The following HMGCS1 variants were observed in gnomAD, a reference collection of about 807,000 sequenced individuals.
The protein encoded by HMGCS1 is 3-hydroxy-3-methylglutaryl-CoA synthase 1.
A neutral mutation model predicts 52.3 loss-of-function variants in HMGCS1; 9 were observed. That is an observed-to-expected ratio of 0.17 (90% CI 0.10 to 0.30). The LOEUF is 0.30. Among genes scored for constraint, HMGCS1 ranks in the 10% least tolerant of loss-of-function variants. The pLI, the probability that HMGCS1 is intolerant of heterozygous loss-of-function variation, is 1.00. For missense variants in HMGCS1, 320 were observed against 620.9 expected, an observed-to-expected ratio of 0.52 and a Z score of 5.15; for synonymous variants, 176 against 214.4, an observed-to-expected ratio of 0.82 and a Z score of 1.57.
intron 2 of HMGCS1, among the ~76,000 whole-genome samples, chr5:43,303,557 T>G (rs529582686): frequency 1.8e-4 from 27 of 152,180 alleles, no homozygotes; most frequent in Non-Finnish European, 2.9e-4. Context: ...CTAAGCAGAT[T>G]AAATAGTCTG....
intron 2 of HMGCS1, among the ~76,000 whole-genome samples, chr5:43,301,247 G>C (rs1754302774): frequency 1.3e-5 from 2 of 152,204 alleles, no homozygotes; most frequent in African/African-American, 2.4e-5. Flanking sequence ...TTGTCTATTG[G>C]AATGAAATGT....
intron 1 of HMGCS1, among the ~76,000 whole-genome samples, chr5:43,308,705 C>A (rs1423051911): frequency 6.6e-6 from 1 of 152,134 alleles, no homozygotes; most frequent in African/African-American, 2.4e-5. Context: ...CAGCATACAC[C>A]ATTTCCTCTG....
intron 1 of HMGCS1, among the ~76,000 whole-genome samples, chr5:43,311,440 T>C (rs1754865409): frequency 6.6e-6 from 1 of 152,168 alleles, no homozygotes; most frequent in Non-Finnish European, 1.5e-5. Context: ...CCTTCTATGA[T>C]ATTTGGTTCC....
chr5:43,294,687 T>G lies in HMGCS1; in HGVS notation c.1076+4A>C. The G allele has an allele frequency of 6.4e-7, 1 of 1,572,058 alleles. No homozygotes were observed. The highest frequency in any genetic ancestry group is 2.3e-5 in the East Asian group (1 of 43,834). On this transcript the variant is annotated splice_donor_region_variant and intron_variant, in intron 7 of 10. Transcript: ENST00000325110. ...GTTAAGTAGTAGGTGAAATTTATAC[T>G]TACTGTGCTAGAACAGATGCAAGGG...
intron 2 of HMGCS1, 115 bp from the exon 3 acceptor site, chr5:43,299,090 C>T: frequency 2.7e-6 from 2 of 731,690 alleles, no homozygotes; most frequent in East Asian, 2.7e-5. Flanking sequence ...GTATTAGTTT[C>T]TTTAAGTTTA....
intron 2 of HMGCS1, 44 bp from the exon 3 acceptor site, chr5:43,299,019 G>A: frequency 7.0e-7 from 1 of 1,429,996 alleles, no homozygotes; most frequent in Non-Finnish European, 9.5e-7. Context: ...TAGGTTATAA[G>A]TTGCTGGTTT....
At position 43,294,083 on chromosome 5, in the gene HMGCS1, G is replaced by C; in HGVS notation, c.1156C>G (p.Leu386Val). The C allele has an allele frequency of 6.2e-7, 1 of 1,610,956 alleles. No homozygotes were observed. The highest frequency in any genetic ancestry group is 8.5e-7 in the Non-Finnish European group (1 of 1,177,108). Residue 386 changes from leucine (L) to valine (V), a missense_variant, in exon 8 of 11, where the codon CTT (leucine) becomes GTT (valine). By Grantham distance (32) the Leu-to-Val change is conservative. Around this residue, in one of 3 missense-constraint regions of HMGCS1, gnomAD observed 213 missense variants for 337.4 expected, o/e 0.63. Transcript: ENST00000325110. ...GGTGTAGCATCTTGTGTGACTTTAAGAGAGTACAGAGTGGCAGCCAAACCA... is the reference window on the plus strand; with the variant it reads ...GGTGTAGCATCTTGTGTGACTTTAACAGAGTACAGAGTGGCAGCCAAACCA... ...GSGLAATLYS[L>V]KVTQDATPGS...
chr5:43,298,911 T>A lies in HMGCS1; in HGVS notation c.55A>T (p.Ile19Phe), dbSNP rs907841992. The change falls in exon 3 of 11, where the codon ATT (isoleucine) becomes TTT (phenylalanine). Residue 19 changes from isoleucine to phenylalanine, a missense_variant. This residue lies in a region of HMGCS1 where 22 missense variants were observed against 23.5 expected (regional missense o/e 0.94). Transcript: ENST00000325110. This position sits in a 1 kb window ranked among gnomAD's most constrained non-coding sequence, Gnocchi z 5.6. Reference sequence around the variant, plus strand: ...GGAAAATAGATCTCAAGGGCAACAATTCCCACATCTTTTGGCCAGCAAGCT... The same window carrying A: ...GGAAAATAGATCTCAAGGGCAACAAATCCCACATCTTTTGGCCAGCAAGCT... ...AEACWPKDVG[I>F]VALEIYFPSQ... 2.5e-6 allele frequency: 4 copies of A among 1,614,090 alleles called. No homozygotes were observed.
chr5:43,306,179 G>C (rs1244746279), intron 2 of HMGCS1, among the ~76,000 whole-genome samples: 1 of 152,146 alleles, frequency 6.6e-6, no homozygotes, highest in Non-Finnish European at 1.5e-5. Flanking sequence ...GCTATTTCCA[G>C]AATCAGTAAA....
At chr5:43,292,191 C>G (rs941009998) in intron 10 of HMGCS1, among the ~76,000 whole-genome samples, 1 of 151,914 alleles carries the variant, frequency 6.6e-6, no homozygotes, top group Non-Finnish European at 1.5e-5. Flanking sequence ...CAGGGTTTCA[C>G]CATGTTGGAC....
chr5:43,304,415 T>G (rs1210483401), intron 2 of HMGCS1, among the ~76,000 whole-genome samples: 2 of 152,232 alleles, frequency 1.3e-5, no homozygotes, highest in Non-Finnish European at 2.9e-5. Flanking sequence ...GCAATATACT[T>G]GTACTCACTA....
rs551111208 is a variant in HMGCS1 at position 43,295,506 on chromosome 5, G to C, written c.905+246C>G. On this transcript the variant is annotated intron_variant, in intron 6 of 10. Transcript: ENST00000325110. The stretch of plus-strand genomic sequence containing the variant: ...GGCCCTTGTGCAGTTACTTTATCGT[G>C]ACAACATGAATGGAGCTGAAAGAAA... Among the ~76,000 whole-genome samples, 4 of 152,278 alleles carry C rather than the reference G, an allele frequency of 2.6e-5. No homozygotes were observed. In the East Asian group the frequency reaches 5.8e-4, roughly 22 times the overall value.
At chr5:43,294,654 T>C in intron 7 of HMGCS1, 37 bp downstream of exon 7, 1 of 1,467,432 alleles carries the variant, frequency 6.8e-7, no homozygotes, top group East Asian at 2.3e-5. Context: ...ATCTCCCAAA[T>C]AAGGGGAGTT....
At chr5:43,297,872 T>G (rs181067386) in intron 4 of HMGCS1, 137 bp downstream of exon 4, 1 of 620,412 alleles carries the variant, frequency 1.6e-6, no homozygotes, top group East Asian at 3.3e-5. Context: ...AACATAAATA[T>G]GATAACACAC....
chr5:43,311,791 C>T (rs1485983045), intron 1 of HMGCS1, among the ~76,000 whole-genome samples: 1 of 152,172 alleles, frequency 6.6e-6, no homozygotes, highest in Non-Finnish European at 1.5e-5. Context: ...AATGATGTGG[C>T]CTATGGCTCC....
At position 43,304,492 on chromosome 5, in the gene HMGCS1, T is replaced by C. The variant is rs373833354; in HGVS notation, c.-11+3274A>G. 2.4e-4 allele frequency among the ~76,000 whole-genome samples: 37 copies of C among 152,370 alleles called. 1 individual carries two copies. Among genetic ancestry groups the C allele is most frequent in the African/African-American group, 8.9e-4 (37 of 41,592 alleles). On this transcript the variant is annotated intron_variant, in intron 2 of 10. Coordinates refer to ENST00000325110, the MANE Select transcript of HMGCS1 (RefSeq NM_001098272.3). ...CTGGCAATATATTTAATTATCCTTA[T>C]AATGCTTGTACAATTCTCTATAAAA...
rs1753630001 is a variant in HMGCS1, at chr5:43,289,310, T to C, written c.*1821A>G. The C allele has an allele frequency of 6.6e-6, 1 of 152,622 alleles. No individual in the cohort carries two copies. The highest frequency in any genetic ancestry group is 6.5e-5 in the Admixed American group (1 of 15,270). The allele number at this position is 152,622 out of a possible 1,614,324, so 9.5% of individuals were successfully genotyped here. ...AATGAGTGAACGAACTGAAATGAAA[T>C]TAATGCCCATATTTAAAAATAGAAT... On this transcript the variant is annotated 3_prime_UTR_variant, in exon 11 of 11. Coordinates refer to ENST00000325110, the MANE Select transcript of HMGCS1 (RefSeq NM_001098272.3).
At chr5:43,293,715 AT>A (rs34929647) in intron 8 of HMGCS1, 3,389 of 147,190 alleles carry the variant, frequency 0.023, 26 homozygotes, top group African/African-American at 0.049. Flanking sequence ...TTCTCAATAC[AT>A]TTTTTTTTTT....
Position 43,292,146 on chromosome 5 carries a change from C to T in HMGCS1, c.1473+328G>A, listed in dbSNP as rs982028130. Among the ~76,000 whole-genome samples the T allele has an allele frequency of 4.6e-5, 7 of 151,902 alleles. No homozygotes were observed. In the East Asian group the frequency reaches 1.2e-3, roughly 25 times the overall value. On this transcript the variant is annotated intron_variant, in intron 10 of 10. Transcript: ENST00000325110. ...TAGCTGGAATTACAGGCACGTGCCA[C>T]CAAGCCCAACTAATTTTTGTATTTT...
Sources: allele counts gnomAD v4.1 joint callset (sites outside exome capture counted in the v4.1 genomes callset), GRCh38; gene constraint gnomAD v4.1.1; regional missense constraint gnomAD v4.1.1; non-coding constraint Gnocchi (gnomAD v3.1); transcripts MANE v1.5; gene names NCBI Gene and HGNC (gene_info 2026-07-23, HGNC 2026-07-21).